Variants in OSBPL3 observed in about 807,000 individuals in gnomAD.
OSBPL3 encodes oxysterol-binding protein-related protein 3.
In OSBPL3, 65 loss-of-function variants were observed where a neutral mutation model predicts 120.1. The ratio of observed to expected loss-of-function variants is 0.54; its 90% CI spans 0.44 to 0.67. The LOEUF is 0.67. Ranked by LOEUF, OSBPL3 falls within the 30% of genes least tolerant of loss-of-function variation. OSBPL3 has a pLI of 0.00. For missense variants in OSBPL3, 1,004 were observed against 1,082.1 expected (o/e 0.93, Z 1.01); for synonymous variants, 416 against 402.6 (o/e 1.03, Z -0.40).
Position 24,849,096 on chromosome 7 carries a change from G to A in OSBPL3, c.1239C>T (p.Val413=), listed in dbSNP as rs753107523. The part of the protein sequence containing the change: ...AESLLLDSPA[V]AKSGDNLAEE... ...CTGCCAGATTGTCACCCGACTTGGC[G>A]ACAGCGGGGGAGTCGAGGAGCAGAG... is the stretch of plus-strand genomic sequence containing the variant. The change falls in exon 12 of 23, where the codon GTC becomes GTT. Residue 413 remains valine, a synonymous_variant. Transcript: ENST00000313367. The surrounding 1 kb of genome is among the most constrained non-coding windows in gnomAD (Gnocchi z 5.4). 3.2e-5 allele frequency: 52 copies of A among 1,613,814 alleles called. No homozygotes were observed. In the East Asian group the frequency reaches 4.5e-4, roughly 14 times the overall value.
intron 1 of OSBPL3, among the ~76,000 whole-genome samples, chr7:24,945,039 C>T (rs1447098374): frequency 2.4e-4 from 37 of 152,144 alleles, no homozygotes; most frequent in Admixed American, 2.4e-3. Context: ...GTGGCAAACC[C>T]TACTCAAAAT....
chr7:24,815,100 G>C lies in OSBPL3; in HGVS notation c.2131C>G (p.Leu711Val). Residue 711 changes from leucine (L) to valine (V), a missense_variant, in exon 19 of 23, where the codon CTG (leucine) becomes GTG (valine). By Grantham distance (32) the Leu-to-Val change is conservative. Coordinates refer to ENST00000313367, the MANE Select transcript of OSBPL3 (RefSeq NM_015550.4). This position sits in a 1 kb window ranked among gnomAD's most constrained non-coding sequence, Gnocchi z 5.1. ...TTGCAGTAGCAGGAATCATCATGCA[G>C]GTTCTTGATGACAATCTCTCCATAG... The part of the protein sequence containing the change: ...EHYGEIVIKN[L>V]HDDSCYCKVN... 6.2e-7 allele frequency: 1 copy of C among 1,613,470 alleles called. No individual in the cohort carries two copies. The highest frequency in any genetic ancestry group is 8.5e-7 in the Non-Finnish European group (1 of 1,179,334).
At chr7:24,864,234 T>C (rs1311811776) in intron 7 of OSBPL3, among the ~76,000 whole-genome samples, 1 of 152,196 alleles carries the variant, frequency 6.6e-6, no homozygotes, top group Non-Finnish European at 1.5e-5. Flanking sequence ...AGTCCATATT[T>C]GCTGTTCACT....
chr7:24,942,844 G>C (rs567736827), intron 1 of OSBPL3, among the ~76,000 whole-genome samples: 45 of 152,274 alleles, frequency 3.0e-4, no homozygotes, highest in Non-Finnish European at 4.7e-4. Context: ...GGCAGGACAG[G>C]GCAAACTTTG....
At chr7:24,980,390 G>A (rs1035720935), upstream of OSBPL3, among the ~76,000 whole-genome samples, 1 of 152,012 alleles carries the variant, frequency 6.6e-6, no homozygotes, top group Non-Finnish European at 1.5e-5. Flanking sequence ...GGGGGAACTA[G>A]GGACCCCGGA....
At chr7:24,847,252 T>C (rs1798568399) in intron 12 of OSBPL3, among the ~76,000 whole-genome samples, 1 of 152,192 alleles carries the variant, frequency 6.6e-6, no homozygotes, top group Admixed American at 6.5e-5. Context: ...GAGGCCATTT[T>C]CACTTACTTT....
Position 24,824,871 on chromosome 7 carries a change from G to A in OSBPL3, c.1885-4633C>T, listed in dbSNP as rs559034572. Reference sequence around the variant, plus strand: ...AAACCTGTGGGGCTGAGAGAAGTTCGGAAGTTAACCATGCAGATATCTGAG... The same window carrying A: ...AAACCTGTGGGGCTGAGAGAAGTTCAGAAGTTAACCATGCAGATATCTGAG... On this transcript the variant is annotated intron_variant, in intron 16 of 22. Transcript: ENST00000313367. This position sits in a 1 kb window ranked among gnomAD's most constrained non-coding sequence, Gnocchi z 4.9. Among the ~76,000 whole-genome samples the A allele has an allele frequency of 2.6e-5, 4 of 152,264 alleles. No individual in the cohort carries two copies. In the South Asian group the frequency reaches 8.3e-4, roughly 32 times the overall value.
chr7:24,816,776 T>C (rs1449714361), intron 17 of OSBPL3, 88 bp from the exon 18 acceptor site: 10 of 852,306 alleles, frequency 1.2e-5, no homozygotes, highest in African/African-American at 8.3e-5. Context: ...TCAATCGCTA[T>C]ATAGTACAAC....
intron 13 of OSBPL3, among the ~76,000 whole-genome samples, chr7:24,841,087 TAGA>T (rs575342544): frequency 3.2e-4 from 48 of 152,336 alleles, no homozygotes; most frequent in African/African-American, 9.6e-4. Flanking sequence ...AGTGTTTGAG[TAGA>T]AGAAGTTACA....
rs879046663 is a variant in OSBPL3 at position 24,849,303 on chromosome 7, A to G, written c.1159-127T>C. ...TCTTAGTGACGTGGTCTGACAGCGC[A>G]CTTTCTGGACTTTTTCCTTGAATGC... On this transcript the variant is annotated intron_variant, in intron 11 of 22. Coordinates refer to ENST00000313367, the MANE Select transcript of OSBPL3 (RefSeq NM_015550.4). The surrounding 1 kb of genome is among the most constrained non-coding windows in gnomAD (Gnocchi z 5.4). 4 of 618,788 alleles carry G rather than the reference A, an allele frequency of 6.5e-6. No homozygotes were observed. The South Asian group carries it at 8.1e-5, about 13-fold the overall frequency. The allele number at this position is 618,788 out of a possible 1,614,324, so 38.3% of individuals were successfully genotyped here.
intron 2 of OSBPL3, among the ~76,000 whole-genome samples, chr7:24,887,631 A>G (rs1291303106): frequency 6.6e-6 from 1 of 152,226 alleles, no homozygotes. Flanking sequence ...AGTTCATCCA[A>G]TAACACAATA....
intron 1 of OSBPL3, among the ~76,000 whole-genome samples, chr7:24,944,201 A>T (rs1435308523): frequency 6.6e-6 from 1 of 152,240 alleles, no homozygotes; most frequent in Non-Finnish European, 1.5e-5. Flanking sequence ...GTCTGGTTAC[A>T]ATAGTGGCTG....
In OSBPL3 at chr7:24,871,949, T is replaced by C. The variant is rs775064983; in HGVS notation, c.213+4A>G. ...AATAAAGGGGAGGCCAAGACCAACC[T>C]TACCTTATGCCAGCCTTTTAAGGGC... On this transcript the variant is annotated splice_donor_region_variant and intron_variant, in intron 3 of 22. Transcript: ENST00000313367. The surrounding 1 kb of genome is among the most constrained non-coding windows in gnomAD (Gnocchi z 4.8). 2.1e-5 allele frequency: 34 copies of C among 1,605,190 alleles called. No individual in the cohort carries two copies. Among genetic ancestry groups the C allele is most frequent in the Middle Eastern group, 1.6e-4 (1 of 6,070 alleles).
rs556073685 is a variant in OSBPL3 at position 24,855,001 on chromosome 7, A to C, written c.1028-2367T>G. On this transcript the variant is annotated intron_variant, in intron 10 of 22. Transcript: ENST00000313367. The surrounding 1 kb of genome is among the most constrained non-coding windows in gnomAD (Gnocchi z 4.3). ...CTCTTGAAATGTTGGCAGCAGCTCT[A>C]GATGATGCTTTACTCTTTTGCCAGG... 6.6e-6 allele frequency among the ~76,000 whole-genome samples: 1 copy of C among 152,360 alleles called. No individual in the cohort carries two copies. The highest frequency in any genetic ancestry group is 2.1e-4 in the South Asian group (1 of 4,822).
At chr7:24,973,412 C>T (rs928868114) in intron 1 of OSBPL3, among the ~76,000 whole-genome samples, 1 of 152,174 alleles carries the variant, frequency 6.6e-6, no homozygotes, top group African/African-American at 2.4e-5. Flanking sequence ...GGTCTTGGAG[C>T]ATCTAGAAAC....
chr7:24,806,669 C>T lies in OSBPL3; in HGVS notation c.2444+107G>A. On this transcript the variant is annotated intron_variant, in intron 21 of 22. Coordinates refer to ENST00000313367, the MANE Select transcript of OSBPL3 (RefSeq NM_015550.4). This position sits in a 1 kb window ranked among gnomAD's most constrained non-coding sequence, Gnocchi z 5.2. The stretch of plus-strand genomic sequence containing the variant: ...ATCCCCACCTCTCAATTCCTGATGA[C>T]ATTTTCCACCTTTCTCAGGTGCCTC... 5.9e-6 allele frequency: 6 copies of T among 1,010,040 alleles called. No individual in the cohort carries two copies. Among genetic ancestry groups the T allele is most frequent in the Admixed American group, 4.8e-5 (2 of 41,550 alleles). 62.6% of individuals were successfully genotyped at this position (1,010,040 alleles called of 1,614,324 possible). A position where few individuals can be genotyped will look rare whatever the true frequency, so the allele number is the denominator to read the frequency against.
At position 24,968,537 on chromosome 7, in the gene OSBPL3, C is replaced by T. The variant is rs1816644370; in HGVS notation, c.-150+11349G>A. Reference sequence around the variant, plus strand: ...TCCACCTCCTGCGTAGCCGGGATTACAGGCACACACCACCACGCCCAGCTA... The same window carrying T: ...TCCACCTCCTGCGTAGCCGGGATTATAGGCACACACCACCACGCCCAGCTA... On this transcript the variant is annotated intron_variant, in intron 1 of 22. Coordinates refer to ENST00000313367, the MANE Select transcript of OSBPL3 (RefSeq NM_015550.4). The surrounding 1 kb of genome is among the most constrained non-coding windows in gnomAD (Gnocchi z 4.6). Among the ~76,000 whole-genome samples, 1 of 152,208 alleles carries T rather than the reference C, an allele frequency of 6.6e-6. No homozygotes were observed. The highest frequency in any genetic ancestry group is 6.5e-5 in the Admixed American group (1 of 15,288).
chr7:24,926,822 G>T (rs1373439291), intron 1 of OSBPL3, among the ~76,000 whole-genome samples: 1 of 152,176 alleles, frequency 6.6e-6, no homozygotes, highest in Non-Finnish European at 1.5e-5. Context: ...TGGTCTCTAT[G>T]ATTCCTATAT....
At position 24,815,134 on chromosome 7, in the gene OSBPL3, C is replaced by A. The variant is rs1390862721; in HGVS notation, c.2097G>T (p.Trp699Cys). The change falls in exon 19 of 23, where the codon TGG (tryptophan) becomes TGT (cysteine). Residue 699 changes from tryptophan to cysteine, a missense_variant. By Grantham distance (215) the Trp-to-Cys change is radical (BLOSUM62 -2). Around this residue, in one of 4 missense-constraint regions of OSBPL3, gnomAD observed 473 missense variants for 568.0 expected, o/e 0.83. Transcript: ENST00000313367. This position sits in a 1 kb window ranked among gnomAD's most constrained non-coding sequence, Gnocchi z 5.1. ...CIHNILSGQR[W>C]IEHYGEIVIK... ...TGACAATCTCTCCATAGTGCTCAAT[C>A]CACCTCTGCCCGCTTAAGATGTTAT... is the stretch of plus-strand genomic sequence containing the variant. 1 of 1,612,594 alleles carries A rather than the reference C, an allele frequency of 6.2e-7. No homozygotes were observed. Among genetic ancestry groups the A allele is most frequent in the East Asian group, 2.2e-5 (1 of 44,872 alleles).
Sources: allele counts gnomAD v4.1 joint callset (sites outside exome capture counted in the v4.1 genomes callset), GRCh38; gene constraint gnomAD v4.1.1; regional missense constraint gnomAD v4.1.1; non-coding constraint Gnocchi (gnomAD v3.1); transcripts MANE v1.5; gene names NCBI Gene and HGNC (gene_info 2026-07-23, HGNC 2026-07-21).